Variants in EPHA6 observed in about 807,000 individuals in gnomAD.
The protein encoded by EPHA6 is EPH receptor A6.
In EPHA6, 50 loss-of-function variants were observed where a neutral mutation model predicts 112.0. The observed-to-expected ratio is 0.45, with a 90% CI of 0.36 to 0.56. The LOEUF is 0.56. Ranked by LOEUF, EPHA6 falls within the 20% of genes least tolerant of loss-of-function variation. The pLI, the probability that EPHA6 is intolerant of heterozygous loss-of-function variation, is 0.00. For synonymous variants in EPHA6, 529 were observed against 490.7 expected (o/e 1.08, Z -1.03); for missense variants, 1,280 against 1,417.4 (o/e 0.90, Z 1.56).
intron 1 of EPHA6, among the ~76,000 whole-genome samples, chr3:96,820,380 A>T (rs1289189587): frequency 6.6e-6 from 1 of 151,928 alleles, no homozygotes; most frequent in Non-Finnish European, 1.5e-5. Flanking sequence ...ACAAGAGTAG[A>T]ATTGGGAGTC....
intron 5 of EPHA6, among the ~76,000 whole-genome samples, chr3:97,377,540 C>A (rs966486996): frequency 6.6e-6 from 1 of 152,006 alleles, no homozygotes; most frequent in East Asian, 1.9e-4. Context: ...GAGGTTGGTA[C>A]AGTTTGGAGG....
At chr3:97,688,876 A>G (rs950838436) in intron 14 of EPHA6, among the ~76,000 whole-genome samples, 7 of 152,232 alleles carry the variant, frequency 4.6e-5, no homozygotes, top group African/African-American at 1.7e-4. Flanking sequence ...AGCCCCTTTC[A>G]TTCATAAAAG....
At chr3:97,416,730 T>A (rs1036299175) in intron 6 of EPHA6, among the ~76,000 whole-genome samples, 1 of 152,192 alleles carries the variant, frequency 6.6e-6, no homozygotes, top group African/African-American at 2.4e-5. Flanking sequence ...TTAAAATTTT[T>A]AAACAGTATC....
intron 2 of EPHA6, among the ~76,000 whole-genome samples, chr3:96,938,977 GC>G (rs2040771856): frequency 6.6e-6 from 1 of 152,124 alleles, no homozygotes; most frequent in Non-Finnish European, 1.5e-5. Flanking sequence ...TGGTGGATAA[GC>G]TTTTTGATGT....
intron 3 of EPHA6, among the ~76,000 whole-genome samples, chr3:97,065,644 G>A (rs2046154224): frequency 6.6e-6 from 1 of 151,990 alleles, no homozygotes; most frequent in Admixed American, 6.6e-5. Flanking sequence ...TTTCTAGGAA[G>A]TATTACATAT....
intron 14 of EPHA6, among the ~76,000 whole-genome samples, chr3:97,685,209 AATG>A (rs1377742286): frequency 1.3e-5 from 2 of 152,190 alleles, no homozygotes; most frequent in African/African-American, 2.4e-5. Flanking sequence ...TGTTATAGAA[AATG>A]ATATTATAAA....
chr3:97,100,890 G>A (rs2047384291), intron 3 of EPHA6, among the ~76,000 whole-genome samples: 1 of 151,856 alleles, frequency 6.6e-6, no homozygotes, highest in South Asian at 2.1e-4. Context: ...AGAAGGTAGT[G>A]AGATTTTAAA....
chr3:97,383,531 G>C (rs1488900982), intron 5 of EPHA6, among the ~76,000 whole-genome samples: 1 of 152,004 alleles, frequency 6.6e-6, no homozygotes, highest in Non-Finnish European at 1.5e-5. Context: ...AAATTTTTAT[G>C]TCTATTCACT....
At chr3:97,171,856 C>T (rs974982845) in intron 3 of EPHA6, among the ~76,000 whole-genome samples, 8 of 151,652 alleles carry the variant, frequency 5.3e-5, no homozygotes, top group African/African-American at 1.7e-4. Flanking sequence ...TTAGGGATAA[C>T]AAAAAACCTT....
At position 97,390,472 on chromosome 3, in the gene EPHA6, C is replaced by T. The variant is rs376867107; in HGVS notation, c.1607-14678C>T. Among the ~76,000 whole-genome samples the T allele has an allele frequency of 1.2e-3, 175 of 151,026 alleles. 1 individual carries two copies. In the South Asian group the frequency reaches 0.017, roughly 15 times the overall value. On this transcript the variant is annotated intron_variant, in intron 5 of 17. Coordinates refer to ENST00000389672, the MANE Select transcript of EPHA6 (RefSeq NM_001080448.3). ...TTCATATATATATATTATATATATA[C>T]GCTGTGTGTATATATAAATTATATT... is the stretch of plus-strand genomic sequence containing the variant.
intron 3 of EPHA6, among the ~76,000 whole-genome samples, chr3:97,193,112 C>T (rs555425403): frequency 6.6e-5 from 10 of 152,078 alleles, no homozygotes; most frequent in African/African-American, 1.4e-4. Context: ...GGATAGCTCT[C>T]GCTATTCTAG....
intron 2 of EPHA6, among the ~76,000 whole-genome samples, chr3:96,873,278 AG>A (rs1230150074): frequency 1.3e-5 from 2 of 151,856 alleles, no homozygotes; most frequent in Admixed American, 6.6e-5. Flanking sequence ...AAAAAAAAAA[AG>A]TTATGATTCT....
intron 3 of EPHA6, among the ~76,000 whole-genome samples, chr3:97,188,836 T>C (rs1212087242): frequency 6.6e-6 from 1 of 151,728 alleles, no homozygotes; most frequent in African/African-American, 2.4e-5. Flanking sequence ...GATATACATA[T>C]GTTTATAAAA....
intron 11 of EPHA6, among the ~76,000 whole-genome samples, chr3:97,546,913 CAT>C (rs2092958652): frequency 1.3e-5 from 2 of 152,230 alleles, no homozygotes; most frequent in Non-Finnish European, 2.9e-5. Context: ...TTTTCAGCTC[CAT>C]CAGGTCCTTT....
intron 3 of EPHA6, among the ~76,000 whole-genome samples, chr3:97,113,642 C>A: frequency 6.6e-6 from 1 of 151,912 alleles, no homozygotes; most frequent in East Asian, 1.9e-4. Flanking sequence ...TACCAGAGCA[C>A]CCACAAAAAA....
intron 14 of EPHA6, among the ~76,000 whole-genome samples, chr3:97,672,155 A>AT (rs1367458565): frequency 6.6e-6 from 1 of 152,228 alleles, no homozygotes; most frequent in Non-Finnish European, 1.5e-5. Context: ...AAGGGACTAA[A>AT]TTATATAATA....
chr3:97,089,163 T>A (rs950297696), intron 3 of EPHA6, among the ~76,000 whole-genome samples: 27 of 152,218 alleles, frequency 1.8e-4, no homozygotes, highest in African/African-American at 6.5e-4. Context: ...GAAAAGTATT[T>A]CATACTTTAA....
intron 6 of EPHA6, among the ~76,000 whole-genome samples, chr3:97,417,266 A>G (rs1360565788): frequency 6.6e-6 from 1 of 152,150 alleles, no homozygotes; most frequent in Non-Finnish European, 1.5e-5. Context: ...GTTGGGTTCT[A>G]AGTCCTGTTG....
At chr3:97,336,985 G>C (rs546515564) in intron 5 of EPHA6, among the ~76,000 whole-genome samples, 2 of 151,756 alleles carry the variant, frequency 1.3e-5, no homozygotes, top group East Asian at 3.9e-4. Flanking sequence ...GGATGAAAAA[G>C]AGTAGTAAAA....
Sources: allele counts gnomAD v4.1 joint callset (sites outside exome capture counted in the v4.1 genomes callset), GRCh38; gene constraint gnomAD v4.1.1; transcripts MANE v1.5; gene names NCBI Gene and HGNC (gene_info 2026-07-23, HGNC 2026-07-21).